Variants in EXOC4 observed in about 807,000 individuals in gnomAD.
EXOC4 encodes exocyst complex component 4, also known as SEC8-like 1.
A neutral mutation model predicts 107.2 loss-of-function variants in EXOC4; 71 were observed. That is an observed-to-expected ratio of 0.66 (90% CI 0.55 to 0.81). The LOEUF is 0.81. Among genes scored for constraint, EXOC4 ranks in the 30% least tolerant of loss-of-function variants. EXOC4 has a pLI of 0.00. For synonymous variants in EXOC4, 456 were observed against 441.2 expected (o/e 1.03, Z -0.42); for missense variants, 1,108 against 1,189.6 (o/e 0.93, Z 1.01).
intron 9 of EXOC4, among the ~76,000 whole-genome samples, chr7:133,610,039 C>G (rs1428665398): frequency 6.6e-6 from 1 of 152,152 alleles, no homozygotes; most frequent in African/African-American, 2.4e-5. Flanking sequence ...TCATAATCAC[C>G]TGTTCCTTAA....
chr7:133,999,265 G>A (rs1794471658), intron 15 of EXOC4, among the ~76,000 whole-genome samples: 2 of 152,070 alleles, frequency 1.3e-5, no homozygotes, highest in Non-Finnish European at 2.9e-5. Context: ...TGTTTGATAG[G>A]TGACCCTTGG....
At chr7:133,626,121 C>T (rs1021313963) in intron 9 of EXOC4, among the ~76,000 whole-genome samples, 2 of 151,990 alleles carry the variant, frequency 1.3e-5, no homozygotes, top group Admixed American at 6.6e-5. Flanking sequence ...ACAGGAGAAT[C>T]GCTTGAACCT....
chr7:133,748,480 A>G (rs904124252), intron 10 of EXOC4, among the ~76,000 whole-genome samples: 12 of 152,200 alleles, frequency 7.9e-5, no homozygotes, highest in Admixed American at 7.2e-4. Context: ...GCAGAGTTGC[A>G]CTGGGGTCCC....
chr7:133,944,489 T>G (rs1800504600), intron 14 of EXOC4, among the ~76,000 whole-genome samples: 1 of 152,160 alleles, frequency 6.6e-6, no homozygotes. Flanking sequence ...ACATCAAGGG[T>G]ACATATCATC....
the EXOC4 span, among the ~76,000 whole-genome samples, chr7:134,091,162 A>T: frequency 1.3e-5 from 2 of 152,210 alleles, no homozygotes; most frequent in East Asian, 3.9e-4. Flanking sequence ...GAGAGTCCAC[A>T]GTGCAAAGCA....
chr7:133,953,920 C>T (rs1006848059), intron 14 of EXOC4, among the ~76,000 whole-genome samples: 5 of 152,170 alleles, frequency 3.3e-5, no homozygotes, highest in African/African-American at 1.2e-4. Flanking sequence ...TAAGAGATGA[C>T]ATGATAGCCC....
rs532692119 is a variant in EXOC4, at chr7:133,594,493, CTTTTTT to C, written c.1418-35537_1418-35532del. 2.4e-4 allele frequency among the ~76,000 whole-genome samples: 22 copies of C among 90,362 alleles called. 1 individual carries two copies. Among genetic ancestry groups the C allele is most frequent in the East Asian group, 1.8e-3 (5 of 2,768 alleles). The allele number at this position is 90,362 out of a possible 152,430, so 59.3% of individuals were successfully genotyped here. On this transcript the variant is annotated intron_variant, in intron 9 of 17. Transcript: ENST00000253861. ...AGACAAGAAATACATAAGCTTGAGTCTTTTTTTTTTTTTTTTTTTTGAGACGGAGTC... is the reference window on the plus strand; with the variant it reads ...AGACAAGAAATACATAAGCTTGAGTCTTTTTTTTTTTTTTGAGACGGAGTC...
chr7:133,925,889 A>G (rs1435167389), intron 13 of EXOC4, among the ~76,000 whole-genome samples: 1 of 152,018 alleles, frequency 6.6e-6, no homozygotes, highest in South Asian at 2.1e-4. Context: ...AGAAAAAAAA[A>G]TTAGCTGGGC....
At chr7:133,787,987 A>T (rs1490810624) in intron 10 of EXOC4, among the ~76,000 whole-genome samples, 1 of 97,094 alleles carries the variant, frequency 1.0e-5, no homozygotes, top group Non-Finnish European at 2.1e-5. Flanking sequence ...ATATATATAT[A>T]TATATATATA....
intron 9 of EXOC4, among the ~76,000 whole-genome samples, chr7:133,622,593 T>C (rs1445972545): frequency 6.6e-6 from 1 of 152,136 alleles, no homozygotes; most frequent in Non-Finnish European, 1.5e-5. Flanking sequence ...CCCCCAAACG[T>C]TGCATACATG....
chr7:133,312,771 C>T (rs1397843752), intron 4 of EXOC4, among the ~76,000 whole-genome samples: 1 of 151,520 alleles, frequency 6.6e-6, no homozygotes, highest in Non-Finnish European at 1.5e-5. Flanking sequence ...CTGTGCTTGG[C>T]CTTGATGCTC....
intron 10 of EXOC4, among the ~76,000 whole-genome samples, chr7:133,712,609 C>G (rs1382477682): frequency 1.3e-5 from 2 of 151,584 alleles, no homozygotes; most frequent in Non-Finnish European, 2.9e-5. Flanking sequence ...ATATATATAC[C>G]AAAAATAAAA....
In EXOC4 at chr7:133,817,488, A is replaced by C. The variant is rs747407987; in HGVS notation, c.1678A>C (p.Ile560Leu). ...CACTAAAACATCTGACCCTTTGAAG[A>C]TTCTGGCCAACGCAGACACCATGAA... Reference protein sequence around the residue: ...GVTKTSDPLKILANADTMKVL... With the variant: ...GVTKTSDPLKLLANADTMKVL... Residue 560 changes from isoleucine (I) to leucine (L), a missense_variant, in exon 11 of 18, where the codon ATT (isoleucine) becomes CTT (leucine). Coordinates refer to ENST00000253861, the MANE Select transcript of EXOC4 (RefSeq NM_021807.4). 1 of 1,614,156 alleles carries C rather than the reference A, an allele frequency of 6.2e-7. No individual in the cohort carries two copies. Among genetic ancestry groups the C allele is most frequent in the Admixed American group, 1.7e-5 (1 of 60,026 alleles).
At chr7:134,022,350 G>A (rs1795048760) in intron 17 of EXOC4, among the ~76,000 whole-genome samples, 1 of 152,206 alleles carries the variant, frequency 6.6e-6, no homozygotes, top group South Asian at 2.1e-4. Context: ...ACATGTGTGT[G>A]AGGAAGCTGA....
chr7:133,293,157 A>G (rs1461610181), intron 3 of EXOC4, among the ~76,000 whole-genome samples: 1 of 152,200 alleles, frequency 6.6e-6, no homozygotes, highest in Non-Finnish European at 1.5e-5. Flanking sequence ...AGGAGTTGGC[A>G]TATCCCAATA....
chr7:133,296,270 C>T (rs945827076), intron 3 of EXOC4, among the ~76,000 whole-genome samples: 2 of 152,048 alleles, frequency 1.3e-5, no homozygotes, highest in East Asian at 1.9e-4. Context: ...TGGGAAGAGA[C>T]AGATGGTGAA....
intron 3 of EXOC4, among the ~76,000 whole-genome samples, chr7:133,291,383 ATTTTT>A (rs372299756): frequency 7.5e-6 from 1 of 132,494 alleles, no homozygotes; most frequent in Admixed American, 7.5e-5. Flanking sequence ...TTGTTATGTG[ATTTTT>A]TTTTTTTTTT....
At chr7:134,094,625 A>G in the EXOC4 span, among the ~76,000 whole-genome samples, 28 of 152,134 alleles carry the variant, frequency 1.8e-4, no homozygotes, top group Non-Finnish European at 4.4e-5. Flanking sequence ...AAGGAAAACT[A>G]CAGGCCAAGA....
intron 7 of EXOC4, among the ~76,000 whole-genome samples, chr7:133,443,100 C>T (rs188191972): frequency 6.6e-6 from 1 of 152,294 alleles, no homozygotes; most frequent in East Asian, 1.9e-4. Context: ...GTGAGATTTA[C>T]AACAGTTTAT....
Sources: allele counts gnomAD v4.1 joint callset (sites outside exome capture counted in the v4.1 genomes callset), GRCh38; gene constraint gnomAD v4.1.1; transcripts MANE v1.5; gene names NCBI Gene and HGNC (gene_info 2026-07-23, HGNC 2026-07-21).